CCDC144A: variants seen among roughly 807,000 people sequenced by gnomAD.
CCDC144A encodes the protein coiled-coil domain-containing protein 144A.
Under a neutral mutation model 143.8 loss-of-function variants are expected in CCDC144A, and 41 were observed. The observed-to-expected ratio is 0.29, with a 90% CI of 0.22 to 0.37. The LOEUF is 0.37. CCDC144A is among the 10% of genes least tolerant of loss of function. The pLI is 1.00. For synonymous variants in CCDC144A, 242 were observed against 517.9 expected, an observed-to-expected ratio of 0.47 and a Z score of 7.23; for missense variants, 637 against 1,488.8, an observed-to-expected ratio of 0.43 and a Z score of 9.41.
chr17:16,727,445 G>A (rs1402452100), intron 8 of CCDC144A, 82 bp from the exon 9 acceptor site: 1 of 381,598 alleles, frequency 2.6e-6, no homozygotes, highest in East Asian at 4.9e-5. Context: ...AATGTATGAA[G>A]GAGACAATGT....
At chr17:16,756,984 G>A (rs1230790694) in intron 12 of CCDC144A, among the ~76,000 whole-genome samples, 2 of 152,280 alleles carry the variant, frequency 1.3e-5, no homozygotes, top group Non-Finnish European at 2.9e-5. Flanking sequence ...GGGGAGGACA[G>A]CAGGCCAGTC....
At chr17:16,669,116 C>T in the CCDC144A span, among the ~76,000 whole-genome samples, 1 of 152,046 alleles carries the variant, frequency 6.6e-6, no homozygotes, top group Non-Finnish European at 1.5e-5. Flanking sequence ...TTTTTTAATA[C>T]AAAATGCATT....
In CCDC144A at chr17:16,732,684, T is replaced by G; in HGVS notation, c.2418+18T>G. 1 of 1,571,418 alleles carries G rather than the reference T, an allele frequency of 6.4e-7. No individual in the cohort carries two copies. Among genetic ancestry groups the G allele is most frequent in the Non-Finnish European group, 8.6e-7 (1 of 1,162,780 alleles). The stretch of plus-strand genomic sequence containing the variant: ...ATTCTGAGGTATTTTCTTTAGTCAT[T>G]TTCAAATATATTTTTGTATGTGAAT... On this transcript the variant is annotated intron_variant, in intron 11 of 16. Transcript: ENST00000399273.
chr17:16,729,208 A>G (rs2143222063), intron 9 of CCDC144A, among the ~76,000 whole-genome samples: 1 of 152,296 alleles, frequency 6.6e-6, no homozygotes, highest in African/African-American at 2.4e-5. Flanking sequence ...TTCCACCAGC[A>G]GTGTATAAGC....
chr17:16,671,019 A>C, the CCDC144A span, among the ~76,000 whole-genome samples: 2 of 151,686 alleles, frequency 1.3e-5, no homozygotes, highest in Admixed American at 6.6e-5. Context: ...ACACCATCTC[A>C]CCCTGTCACC....
At chr17:16,687,927 G>A (rs1910841183), upstream of CCDC144A, among the ~76,000 whole-genome samples, 1 of 150,748 alleles carries the variant, frequency 6.6e-6, no homozygotes, top group South Asian at 2.1e-4. Context: ...AACTACATTA[G>A]TTGAGTGTAG....
rs1386499113 is a variant in CCDC144A, at chr17:16,776,044, A to G, written c.*2411A>G. On this transcript the variant is annotated 3_prime_UTR_variant, in exon 17 of 17. Coordinates refer to ENST00000399273, the MANE Select transcript of CCDC144A (RefSeq NM_001382000.1). Reference sequence around the variant, plus strand: ...GTGTGGTCTTATTTCTGGGTTCTCTATTCTGTTCCATTGGTCTATGTGTCG... The same window carrying G: ...GTGTGGTCTTATTTCTGGGTTCTCTGTTCTGTTCCATTGGTCTATGTGTCG... 6.6e-6 allele frequency: 1 copy of G among 152,184 alleles called. No homozygotes were observed. Among genetic ancestry groups the G allele is most frequent in the East Asian group, 1.9e-4 (1 of 5,188 alleles). 9.4% of individuals were successfully genotyped at this position (152,184 alleles called of 1,614,324 possible).
intron 12 of CCDC144A, among the ~76,000 whole-genome samples, chr17:16,748,001 G>A (rs1488474378): frequency 6.6e-6 from 1 of 152,036 alleles, no homozygotes; most frequent in Non-Finnish European, 1.5e-5. Context: ...TGTTCCAGTG[G>A]GCAAGGGGAA....
intron 15 of CCDC144A, chr17:16,767,146 T>G (rs1371930822): frequency 1.3e-5 from 2 of 152,428 alleles, no homozygotes; most frequent in South Asian, 2.1e-4. Flanking sequence ...AATACAAAAA[T>G]TAGCCTGGCA....
At chr17:16,755,185 A>C (rs541867040) in intron 12 of CCDC144A, among the ~76,000 whole-genome samples, 111 of 152,222 alleles carry the variant, frequency 7.3e-4, no homozygotes, top group Non-Finnish European at 1.3e-3. Flanking sequence ...TAATCCATTC[A>C]TTCTATCTAT....
At chr17:16,682,004 G>T in the CCDC144A span, among the ~76,000 whole-genome samples, 2 of 152,002 alleles carry the variant, frequency 1.3e-5, no homozygotes, top group Admixed American at 6.6e-5. Flanking sequence ...AATTTTGAGG[G>T]TGCCTGAAAT....
chr17:16,755,846 C>G (rs1198884666), intron 12 of CCDC144A, among the ~76,000 whole-genome samples: 3 of 152,236 alleles, frequency 2.0e-5, no homozygotes, highest in Non-Finnish European at 4.4e-5. Flanking sequence ...CAGGGATGAA[C>G]CACTGCACCT....
intron 12 of CCDC144A, among the ~76,000 whole-genome samples, chr17:16,754,344 G>A (rs1251975560): frequency 1.3e-5 from 2 of 151,984 alleles, no homozygotes; most frequent in Non-Finnish European, 2.9e-5. Flanking sequence ...CAGGTGTATT[G>A]TTAGGTTGTT....
intron 12 of CCDC144A, chr17:16,746,495 G>T (rs1597579181): frequency 6.2e-7 from 1 of 1,613,574 alleles, no homozygotes; most frequent in East Asian, 2.2e-5. Context: ...GTTGGCACTG[G>T]TCTTCTCTTC....
intron 12 of CCDC144A, among the ~76,000 whole-genome samples, chr17:16,743,495 G>T (rs1022727362): frequency 1.5e-4 from 23 of 152,018 alleles, no homozygotes; most frequent in African/African-American, 5.5e-4. Flanking sequence ...CTGTAACCTT[G>T]TAATATATTT....
the CCDC144A span, chr17:16,683,911 G>C: frequency 7.5e-7 from 1 of 1,325,608 alleles, no homozygotes; most frequent in African/African-American, 1.5e-5. Flanking sequence ...CCAGTAATGG[G>C]CGTAGAAAGC....
At chr17:16,720,153 T>C in intron 6 of CCDC144A, 45 bp from the exon 7 acceptor site, 1 of 1,498,006 alleles carries the variant, frequency 6.7e-7, no homozygotes, top group Non-Finnish European at 8.9e-7. Flanking sequence ...CTTTGTATTT[T>C]ACATCTTTGC....
chr17:16,700,449 A>G (rs556504697), intron 2 of CCDC144A, among the ~76,000 whole-genome samples: 103 of 152,272 alleles, frequency 6.8e-4, no homozygotes, highest in African/African-American at 2.4e-3. Flanking sequence ...TTGCACAAAC[A>G]GTTTAGGCAC....
intron 15 of CCDC144A, among the ~76,000 whole-genome samples, chr17:16,769,113 G>A (rs1387926203): frequency 6.6e-6 from 1 of 152,060 alleles, no homozygotes; most frequent in Non-Finnish European, 1.5e-5. Context: ...TTTAAGTGGA[G>A]AAAACAAATG....
Sources: allele counts gnomAD v4.1 joint callset (sites outside exome capture counted in the v4.1 genomes callset), GRCh38; gene constraint gnomAD v4.1.1; transcripts MANE v1.5; gene names NCBI Gene and HGNC (gene_info 2026-07-23, HGNC 2026-07-21).